Variants in CRYGN observed in about 807,000 individuals in gnomAD.
CRYGN encodes crystallin gamma N.
In CRYGN, 17 loss-of-function variants were observed where a neutral mutation model predicts 19.2. The ratio of observed to expected loss-of-function variants is 0.89; its 90% CI spans 0.61 to 1.33. The LOEUF (loss-of-function observed/expected upper bound fraction) is 1.33, where lower values mean the gene tolerates loss of function less well. Ranked by LOEUF, CRYGN falls within the 40% of genes most tolerant of loss-of-function variation. The probability of loss-of-function intolerance (pLI) is 0.00; values close to 1 mark genes in which losing one functional copy is unlikely to be tolerated. For missense variants in CRYGN, 239 were observed against 239.6 expected (o/e 1.00, Z 0.02); for synonymous variants, 84 against 85.8 (o/e 0.98, Z 0.12).
chr7:151,440,128 T>G lies in CRYGN; in HGVS notation c.-211A>C. 7.5e-7 allele frequency: 1 copy of G among 1,341,964 alleles called. No homozygotes were observed. The highest frequency in any genetic ancestry group is 9.5e-7 in the Non-Finnish European group (1 of 1,049,354). 83.1% of individuals were successfully genotyped at this position (1,341,964 alleles called of 1,614,324 possible). ...GCCCGCCCTGCCCGGGGTCTCCCTG[T>G]GCTCTCCGCGTTTAGCTCCCGAGCC... On this transcript the variant is annotated 5_prime_UTR_variant, in exon 1 of 4. Coordinates refer to ENST00000337323, the MANE Select transcript of CRYGN (RefSeq NM_144727.3).
Position 151,430,014 on chromosome 7 carries a change from T to A in CRYGN, c.*34A>T. On this transcript the variant is annotated 3_prime_UTR_variant, in exon 4 of 4. Transcript: ENST00000337323. This position sits in a 1 kb window ranked among gnomAD's most constrained non-coding sequence, Gnocchi z 5.2. Reference sequence around the variant, plus strand: ...AAACACTCTCCCGGCTCAGAAACGGTGCAGGTGCATTTACATGTCAATCGG... The same window carrying A: ...AAACACTCTCCCGGCTCAGAAACGGAGCAGGTGCATTTACATGTCAATCGG... 1 of 822,296 alleles carries A rather than the reference T, an allele frequency of 1.2e-6. No homozygotes were observed. Among genetic ancestry groups the A allele is most frequent in the Non-Finnish European group, 2.2e-6 (1 of 455,992 alleles). The allele number at this position is 822,296 out of a possible 1,614,324, so 50.9% of individuals were successfully genotyped here. A position where few individuals can be genotyped will look rare whatever the true frequency, so the allele number is the denominator to read the frequency against.
rs1017593436 is a variant in CRYGN at position 151,430,022 on chromosome 7, C to A, written c.*26G>T. 1 of 843,678 alleles carries A rather than the reference C, an allele frequency of 1.2e-6. No homozygotes were observed. The highest frequency in any genetic ancestry group is 1.7e-5 in the Admixed American group (1 of 59,088). The allele number at this position is 843,678 out of a possible 1,614,324, so 52.3% of individuals were successfully genotyped here. A position where few individuals can be genotyped will look rare whatever the true frequency, so the allele number is the denominator to read the frequency against. On this transcript the variant is annotated 3_prime_UTR_variant, in exon 4 of 4. Transcript: ENST00000337323. The surrounding 1 kb of genome is among the most constrained non-coding windows in gnomAD (Gnocchi z 5.2). Reference sequence around the variant, plus strand: ...TCCCGGCTCAGAAACGGTGCAGGTGCATTTACATGTCAATCGGTTCCAGGC... The same window carrying A: ...TCCCGGCTCAGAAACGGTGCAGGTGAATTTACATGTCAATCGGTTCCAGGC...
rs1044807739 is a variant in CRYGN, at chr7:151,433,296, G to A, written c.416+2884C>T. Among the ~76,000 whole-genome samples the A allele has an allele frequency of 1.3e-5, 2 of 152,212 alleles. No individual in the cohort carries two copies. The highest frequency in any genetic ancestry group is 2.9e-5 in the Non-Finnish European group (2 of 68,032). ...GAAAAGCAGGAAGGTGCGGTGGGGA[G>A]GGAACGGGGGACCAGGAGGAAGGGA... On this transcript the variant is annotated intron_variant, in intron 3 of 3. Coordinates refer to ENST00000337323, the MANE Select transcript of CRYGN (RefSeq NM_144727.3). This position sits in a 1 kb window ranked among gnomAD's most constrained non-coding sequence, Gnocchi z 5.1.
In CRYGN at chr7:151,429,729, A is replaced by G. The variant is rs925626551; in HGVS notation, c.*319T>C. 4.0e-5 allele frequency: 16 copies of G among 402,916 alleles called. No homozygotes were observed. The highest frequency in any genetic ancestry group is 7.3e-5 in the Non-Finnish European group (16 of 217,802). The allele number at this position is 402,916 out of a possible 1,614,324, so 25.0% of individuals were successfully genotyped here. A position where few individuals can be genotyped will look rare whatever the true frequency, so the allele number is the denominator to read the frequency against. On this transcript the variant is annotated 3_prime_UTR_variant, in exon 4 of 4. Transcript: ENST00000337323. ...CCAGCTACTACAGAGCCTGGCATTAAGTCAGTGCTCCATAAATATTCATCA... is the reference window on the plus strand; with the variant it reads ...CCAGCTACTACAGAGCCTGGCATTAGGTCAGTGCTCCATAAATATTCATCA...
rs924632486 is a variant in CRYGN at position 151,430,650 on chromosome 7, C to T, written c.417-470G>A. ...GTACTCCATCACCCCCTAGGCCTGT[C>T]GGGGTGTCTCAGTTCAACTCAGATA... On this transcript the variant is annotated intron_variant, in intron 3 of 3. Coordinates refer to ENST00000337323, the MANE Select transcript of CRYGN (RefSeq NM_144727.3). The surrounding 1 kb of genome is among the most constrained non-coding windows in gnomAD (Gnocchi z 5.2). Among the ~76,000 whole-genome samples the T allele has an allele frequency of 3.3e-5, 5 of 152,310 alleles. No homozygotes were observed. Among genetic ancestry groups the T allele is most frequent in the Admixed American group, 2.6e-4 (4 of 15,310 alleles).
chr7:151,439,983 C>T lies in CRYGN; in HGVS notation c.-66G>A. 1 of 1,454,398 alleles carries T rather than the reference C, an allele frequency of 6.9e-7. No individual in the cohort carries two copies. The highest frequency in any genetic ancestry group is 9.1e-7 in the Non-Finnish European group (1 of 1,100,008). The allele number at this position is 1,454,398 out of a possible 1,614,324, so 90.1% of individuals were successfully genotyped here. A position where few individuals can be genotyped will look rare whatever the true frequency, so the allele number is the denominator to read the frequency against. ...GCAGCGCCCTGCTGGCTCAGCGCCG[C>T]CCCGGACAAAAGATTTGCTGGGCCG... On this transcript the variant is annotated 5_prime_UTR_variant, in exon 1 of 4. Coordinates refer to ENST00000337323, the MANE Select transcript of CRYGN (RefSeq NM_144727.3).
chr7:151,432,525 C>T (rs150926493), intron 3 of CRYGN, among the ~76,000 whole-genome samples: 14 of 152,268 alleles, frequency 9.2e-5, no homozygotes, highest in African/African-American at 1.9e-4. Flanking sequence ...CAGTCCTGGC[C>T]GGGCATGGGG....
chr7:151,440,732 C>T (rs1801743590), upstream of CRYGN: 2 of 153,062 alleles, frequency 1.3e-5, no homozygotes, highest in Admixed American at 1.3e-4. Context: ...ACCCTGGACG[C>T]CCAGGATCAG....
chr7:151,436,280 T>C lies in CRYGN; in HGVS notation c.316A>G (p.Thr106Ala), dbSNP rs1197503419. The C allele has an allele frequency of 1.9e-6, 3 of 1,597,164 alleles. No homozygotes were observed. The South Asian group carries it at 3.4e-5, about 18-fold the overall frequency. Residue 106 changes from threonine to alanine, a missense_variant, in exon 3 of 4, where the codon ACG (threonine) becomes GCG (alanine). Thr to Ala is a moderately conservative substitution (Grantham distance 58, BLOSUM62 0). Coordinates refer to ENST00000337323, the MANE Select transcript of CRYGN (RefSeq NM_144727.3). The surrounding 1 kb of genome is among the most constrained non-coding windows in gnomAD (Gnocchi z 5.1). The part of the protein sequence containing the change: ...RLEIFEGCNF[T>A]GQCLEFLEDS... ...TCCAGGAACTCCAGGCACTGGCCCGTGAAGTTGCAACCCTCGAAGATTTCT... is the reference window on the plus strand; with the variant it reads ...TCCAGGAACTCCAGGCACTGGCCCGCGAAGTTGCAACCCTCGAAGATTTCT...
Position 151,431,954 on chromosome 7 carries a change from C to T in CRYGN, c.417-1774G>A, listed in dbSNP as rs562581703. 1.3e-4 allele frequency: 48 copies of T among 366,076 alleles called. 1 individual carries two copies. The Middle Eastern group carries it at 4.8e-3, about 37-fold the overall frequency. The allele number at this position is 366,076 out of a possible 1,614,324, so 22.7% of individuals were successfully genotyped here. A position where few individuals can be genotyped will look rare whatever the true frequency, so the allele number is the denominator to read the frequency against. On this transcript the variant is annotated intron_variant, in intron 3 of 3. Coordinates refer to ENST00000337323, the MANE Select transcript of CRYGN (RefSeq NM_144727.3). This position sits in a 1 kb window ranked among gnomAD's most constrained non-coding sequence, Gnocchi z 4.8. ...TCTCCCCTCCCTGGCCCAGGGGGTC[C>T]CTGGGAGTCCGGGAAAGCGCCCTGG...
chr7:151,440,176 G>T, upstream of CRYGN: 1 of 1,170,010 alleles, frequency 8.5e-7, no homozygotes, highest in Non-Finnish European at 1.1e-6. Context: ...GAGCCCTCCC[G>T]CCCAGCCCGC....
rs759435613 is a variant in CRYGN, at chr7:151,438,394, T to A, written c.22-150A>T. 3.7e-4 allele frequency: 272 copies of A among 734,814 alleles called. 3 individuals are homozygous for A. Among genetic ancestry groups the A allele is most frequent in the Non-Finnish European group, 5.4e-4 (247 of 460,290 alleles). The allele number at this position is 734,814 out of a possible 1,614,324, so 45.5% of individuals were successfully genotyped here. The stretch of plus-strand genomic sequence containing the variant: ...GCTGCACACAGTAGGTGCCCAACAC[T>A]ATTTGCCAATTGGGCAAAAGAACGA... On this transcript the variant is annotated intron_variant, in intron 1 of 3. Coordinates refer to ENST00000337323, the MANE Select transcript of CRYGN (RefSeq NM_144727.3).
chr7:151,435,085 C>T lies in CRYGN; in HGVS notation c.416+1095G>A, dbSNP rs934184204. 2.6e-5 allele frequency among the ~76,000 whole-genome samples: 4 copies of T among 152,238 alleles called. No homozygotes were observed. Among genetic ancestry groups the T allele is most frequent in the African/African-American group, 9.6e-5 (4 of 41,456 alleles). ...GGGTACCACCTGTGCCCAGCTCTGC[C>T]TCGGCCCAGTCTCTGTCTCCCTGCA... On this transcript the variant is annotated intron_variant, in intron 3 of 3. Coordinates refer to ENST00000337323, the MANE Select transcript of CRYGN (RefSeq NM_144727.3). The surrounding 1 kb of genome is among the most constrained non-coding windows in gnomAD (Gnocchi z 4.2).
chr7:151,436,157 G>A lies in CRYGN; in HGVS notation c.416+23C>T, dbSNP rs771366120. ...GAAGGGCCTAGCCGGGCCTCGGGGT[G>A]CGGCCACGTGGCCTGTACTCACGCT... is the stretch of plus-strand genomic sequence containing the variant. On this transcript the variant is annotated intron_variant, in intron 3 of 3. Transcript: ENST00000337323. The surrounding 1 kb of genome is among the most constrained non-coding windows in gnomAD (Gnocchi z 5.1). 1.6e-5 allele frequency: 22 copies of A among 1,403,692 alleles called. No homozygotes were observed. The highest frequency in any genetic ancestry group is 2.1e-5 in the Non-Finnish European group (22 of 1,069,286). 87.0% of individuals were successfully genotyped at this position (1,403,692 alleles called of 1,614,324 possible).
rs1801577305 is a variant in CRYGN, at chr7:151,435,364, C to G, written c.416+816G>C. On this transcript the variant is annotated intron_variant, in intron 3 of 3. Coordinates refer to ENST00000337323, the MANE Select transcript of CRYGN (RefSeq NM_144727.3). The surrounding 1 kb of genome is among the most constrained non-coding windows in gnomAD (Gnocchi z 4.2). ...CCCACGGGGCGGCCGGGCAGTCAGC[C>G]TTCTGAGTCTCAGCTTGCCCTTTGT... 6.6e-6 allele frequency among the ~76,000 whole-genome samples: 1 copy of G among 152,198 alleles called. No homozygotes were observed. The highest frequency in any genetic ancestry group is 2.4e-5 in the African/African-American group (1 of 41,448).
At position 151,438,313 on chromosome 7, in the gene CRYGN, G is replaced by A. The variant is rs1282629899; in HGVS notation, c.22-69C>T. 9 of 1,496,930 alleles carry A rather than the reference G, an allele frequency of 6.0e-6. No homozygotes were observed. In the East Asian group the frequency reaches 2.0e-4, roughly 34 times the overall value. The allele number at this position is 1,496,930 out of a possible 1,614,324, so 92.7% of individuals were successfully genotyped here. On this transcript the variant is annotated intron_variant, in intron 1 of 3. Transcript: ENST00000337323. ...CCGTCAGCGTTGGAGGCTGGCGTCT[G>A]GGTCCCAACACCCTGGATGGAACCC...
At position 151,438,290 on chromosome 7, in the gene CRYGN, G is replaced by A. The variant is rs73476462; in HGVS notation, c.22-46C>T. ...AGCTCAGGGTCAGGGGCTTCTCTCC[G>A]TCAGCGTTGGAGGCTGGCGTCTGGG... On this transcript the variant is annotated intron_variant, in intron 1 of 3. Transcript: ENST00000337323. The A allele has an allele frequency of 9.0e-3, 14,043 of 1,560,310 alleles. 248 individuals carry two copies. Among genetic ancestry groups the A allele is most frequent in the African/African-American group, 0.051 (3,790 of 73,820 alleles).
In CRYGN at chr7:151,433,466, C is replaced by G. The variant is rs116939919; in HGVS notation, c.416+2714G>C. ...CGAGTGAGGCTTGTCATGCCTGGTG[C>G]CTGGCACAGTCTGCTGCCTCAAGGG... On this transcript the variant is annotated intron_variant, in intron 3 of 3. Coordinates refer to ENST00000337323, the MANE Select transcript of CRYGN (RefSeq NM_144727.3). The surrounding 1 kb of genome is among the most constrained non-coding windows in gnomAD (Gnocchi z 5.1). 1 of 154,772 alleles carries G rather than the reference C, an allele frequency of 6.5e-6. No individual in the cohort carries two copies. Among genetic ancestry groups the G allele is most frequent in the African/African-American group, 2.4e-5 (1 of 41,478 alleles). 9.6% of individuals were successfully genotyped at this position (154,772 alleles called of 1,614,324 possible).
Position 151,438,136 on chromosome 7 carries a change from C to A in CRYGN, c.130G>T (p.Val44Leu). The change falls in exon 2 of 4, where the codon GTG becomes TTG. Residue 44 changes from valine to leucine, a missense_variant. By Grantham distance (32) the Val-to-Leu change is conservative. Transcript: ENST00000337323. Reference sequence around the variant, plus strand: ...AAGCAGACCCAGGCTCCGCTCTCCACGTGGATGGAGTTCACTCGGTTCATA... The same window carrying A: ...AAGCAGACCCAGGCTCCGCTCTCCAAGTGGATGGAGTTCACTCGGTTCATA... ...GFMNRVNSIH[V>L]ESGAWVCFNH... 2 of 1,614,210 alleles carry A rather than the reference C, an allele frequency of 1.2e-6. No individual in the cohort carries two copies. The highest frequency in any genetic ancestry group is 1.7e-6 in the Non-Finnish European group (2 of 1,180,040).
Sources: allele counts gnomAD v4.1 joint callset (sites outside exome capture counted in the v4.1 genomes callset), GRCh38; gene constraint gnomAD v4.1.1; non-coding constraint Gnocchi (gnomAD v3.1); transcripts MANE v1.5; gene names NCBI Gene and HGNC (gene_info 2026-07-23, HGNC 2026-07-21).